Variants in NCAM2 observed in about 807,000 individuals in gnomAD.
NCAM2 encodes the protein N-CAM-2.
A neutral mutation model predicts 98.1 loss-of-function variants in NCAM2; 30 were observed. That is an observed-to-expected ratio of 0.31 (90% CI 0.23 to 0.41). The LOEUF (loss-of-function observed/expected upper bound fraction) is 0.41. Among genes scored for constraint, NCAM2 ranks in the 10% least tolerant of loss-of-function variants. NCAM2 has a pLI of 1.00. For missense variants in NCAM2, 867 were observed against 1,005.8 expected, an observed-to-expected ratio of 0.86 and a Z score of 1.87; for synonymous variants, 368 against 342.4, an observed-to-expected ratio of 1.07 and a Z score of -0.83.
At chr21:21,145,178 T>C (rs2067246073) in intron 1 of NCAM2, among the ~76,000 whole-genome samples, 1 of 152,102 alleles carries the variant, frequency 6.6e-6, no homozygotes, top group African/African-American at 2.4e-5. Context: ...CTGACAATAA[T>C]GAAACAACAA....
intron 1 of NCAM2, among the ~76,000 whole-genome samples, chr21:21,031,066 C>G (rs2146221299): frequency 6.6e-6 from 1 of 152,140 alleles, no homozygotes; most frequent in African/African-American, 2.4e-5. Context: ...CTGCATAGTA[C>G]TTTATTCTTT....
intron 12 of NCAM2, among the ~76,000 whole-genome samples, chr21:21,436,375 A>T (rs968968971): frequency 9.2e-5 from 14 of 152,228 alleles, no homozygotes; most frequent in Admixed American, 8.5e-4. Flanking sequence ...CACTTACAAC[A>T]TACTTTCACA....
At chr21:21,052,506 T>C (rs2065130896) in intron 1 of NCAM2, among the ~76,000 whole-genome samples, 1 of 151,994 alleles carries the variant, frequency 6.6e-6, no homozygotes, top group African/African-American at 2.4e-5. Context: ...TATGTCTCTC[T>C]AGCATATAGT....
intron 1 of NCAM2, among the ~76,000 whole-genome samples, chr21:21,061,893 C>T (rs1480061411): frequency 6.6e-6 from 1 of 151,972 alleles, no homozygotes; most frequent in Non-Finnish European, 1.5e-5. Context: ...GGAATATTAC[C>T]AGTATTTCAA....
intron 1 of NCAM2, among the ~76,000 whole-genome samples, chr21:21,067,975 T>C (rs1234260522): frequency 1.3e-5 from 2 of 152,114 alleles, no homozygotes; most frequent in Non-Finnish European, 2.9e-5. Context: ...CAAAAAGTGC[T>C]ATATTTTTAA....
Position 21,473,395 on chromosome 21 carries a change from A to G in NCAM2, c.1897-3896A>G, listed in dbSNP as rs1274828910. On this transcript the variant is annotated intron_variant, in intron 14 of 17. Coordinates refer to ENST00000400546, the MANE Select transcript of NCAM2 (RefSeq NM_004540.5). ...ATAAATATATATATATATATATATT[A>G]TATATAAAATCCAGACTGATCAATC... 2.4e-5 allele frequency among the ~76,000 whole-genome samples: 3 copies of G among 125,994 alleles called. 1 individual carries two copies. The highest frequency in any genetic ancestry group is 2.3e-4 in the Admixed American group (3 of 12,858). The allele number at this position is 125,994 out of a possible 152,430, so 82.7% of individuals were successfully genotyped here. A position where few individuals can be genotyped will look rare whatever the true frequency, so the allele number is the denominator to read the frequency against.
At chr21:21,456,870 A>C (rs1490042947) in intron 12 of NCAM2, among the ~76,000 whole-genome samples, 1 of 152,152 alleles carries the variant, frequency 6.6e-6, no homozygotes, top group South Asian at 2.1e-4. Flanking sequence ...TCTATAAGCC[A>C]ACAACCAGGC....
intron 11 of NCAM2, among the ~76,000 whole-genome samples, chr21:21,429,841 A>C (rs1325240583): frequency 6.6e-6 from 1 of 152,130 alleles, no homozygotes; most frequent in East Asian, 1.9e-4. Context: ...ACAGTTTCTA[A>C]TTAGAGTTGA....
intron 1 of NCAM2, among the ~76,000 whole-genome samples, chr21:21,187,331 A>G (rs1260495630): frequency 6.6e-6 from 1 of 152,158 alleles, no homozygotes; most frequent in Non-Finnish European, 1.5e-5. Flanking sequence ...AGACAACATC[A>G]TTTTAAAATT....
At chr21:21,194,326 A>G (rs898349706) in intron 1 of NCAM2, among the ~76,000 whole-genome samples, 1 of 152,182 alleles carries the variant, frequency 6.6e-6, no homozygotes, top group Non-Finnish European at 1.5e-5. Flanking sequence ...GGACTTGGAA[A>G]CATAAGGATA....
At chr21:21,515,424 A>G (rs1279913520) in intron 16 of NCAM2, among the ~76,000 whole-genome samples, 2 of 152,176 alleles carry the variant, frequency 1.3e-5, no homozygotes, top group Admixed American at 6.5e-5. Flanking sequence ...AAATGTTTCT[A>G]CCTATAACCA....
chr21:21,173,088 A>G (rs1185109990), intron 1 of NCAM2, among the ~76,000 whole-genome samples: 1 of 152,164 alleles, frequency 6.6e-6, no homozygotes, highest in Admixed American at 6.5e-5. Context: ...AATTAATGTA[A>G]CATTATGCCT....
intron 1 of NCAM2, among the ~76,000 whole-genome samples, chr21:21,047,983 T>C (rs749844336): frequency 4.6e-5 from 7 of 152,328 alleles, no homozygotes; most frequent in Non-Finnish European, 7.4e-5. Flanking sequence ...ATATATTTCC[T>C]TGGCATACAA....
At chr21:21,477,215 T>G in intron 14 of NCAM2, 76 bp from the exon 15 acceptor site, 1 of 1,126,652 alleles carries the variant, frequency 8.9e-7, no homozygotes, top group East Asian at 2.6e-5. Flanking sequence ...TTGTTCCAAT[T>G]CCAATATAAT....
At chr21:21,310,662 A>G (rs1384442414) in intron 5 of NCAM2, among the ~76,000 whole-genome samples, 1 of 152,194 alleles carries the variant, frequency 6.6e-6, no homozygotes, top group South Asian at 2.1e-4. Context: ...ATGATTTTTA[A>G]TATTTGCATG....
chr21:21,162,793 A>T (rs554787315), intron 1 of NCAM2, among the ~76,000 whole-genome samples: 1 of 152,268 alleles, frequency 6.6e-6, no homozygotes, highest in South Asian at 2.1e-4. Flanking sequence ...AACCTTAGGA[A>T]ACAAGTCATC....
chr21:21,274,538 ATAAT>A (rs1410770635), intron 1 of NCAM2, among the ~76,000 whole-genome samples: 4 of 152,218 alleles, frequency 2.6e-5, no homozygotes, highest in African/African-American at 7.2e-5. Flanking sequence ...CAAGGAGAGA[ATAAT>A]TAAATAACGT....
At chr21:21,518,647 T>A (rs1988844286) in intron 16 of NCAM2, among the ~76,000 whole-genome samples, 1 of 151,308 alleles carries the variant, frequency 6.6e-6, no homozygotes, top group Non-Finnish European at 1.5e-5. Flanking sequence ...ATACTATATA[T>A]TATGCTATTA....
At chr21:21,267,318 C>A (rs2072320519) in intron 1 of NCAM2, among the ~76,000 whole-genome samples, 1 of 152,120 alleles carries the variant, frequency 6.6e-6, no homozygotes. Context: ...TTTACTAAGG[C>A]AATAGACTGT....
Sources: gnomAD v4.1 joint callset for allele counts (sites outside exome capture counted in the v4.1 genomes callset) on GRCh38, gnomAD v4.1.1 for gene constraint, MANE v1.5 for transcripts, NCBI Gene and HGNC (gene_info 2026-07-23, HGNC 2026-07-21) for gene names.